Variants in CNTN4 observed in about 807,000 individuals in gnomAD.
CNTN4 encodes the protein contactin-4.
In CNTN4, 77 loss-of-function variants were observed where a neutral mutation model predicts 122.5. The ratio of observed to expected loss-of-function variants is 0.63; its 90% CI spans 0.52 to 0.76. The LOEUF is 0.76. Among genes scored for constraint, CNTN4 ranks in the 30% least tolerant of loss-of-function variants. CNTN4 has a pLI of 0.00. For missense variants in CNTN4, 1,256 were observed against 1,259.1 expected (o/e 1.00, Z 0.04); for synonymous variants, 512 against 447.0 (o/e 1.15, Z -1.83).
chr3:2,345,161 C>A (rs1260550670), intron 3 of CNTN4, among the ~76,000 whole-genome samples: 1 of 152,148 alleles, frequency 6.6e-6, no homozygotes, highest in Non-Finnish European at 1.5e-5. Context: ...TAAAATGTTC[C>A]ATGCATATGC....
chr3:2,198,067 T>C (rs1436131271), intron 2 of CNTN4, among the ~76,000 whole-genome samples: 2 of 151,230 alleles, frequency 1.3e-5, no homozygotes, highest in Non-Finnish European at 1.5e-5. Flanking sequence ...CAATGTAGAA[T>C]TCTCTTGACG....
chr3:2,789,486 G>T lies in CNTN4; in HGVS notation c.359-30000G>T, dbSNP rs545874512. Among the ~76,000 whole-genome samples, 12 of 152,336 alleles carry T rather than the reference G, an allele frequency of 7.9e-5. No homozygotes were observed. In the East Asian group the frequency reaches 9.6e-4, roughly 12 times the overall value. On this transcript the variant is annotated intron_variant, in intron 6 of 24. Coordinates refer to ENST00000418658, the MANE Select transcript of CNTN4 (RefSeq NM_175607.3). ...CTTGCTCTATTGCCCAGGCTGGAGT[G>T]CAGTGGCGTGATATCAGCTCACTGC...
chr3:2,248,800 A>G (rs2040253735), intron 2 of CNTN4, among the ~76,000 whole-genome samples: 2 of 152,026 alleles, frequency 1.3e-5, no homozygotes, highest in Non-Finnish European at 2.9e-5. Context: ...CTGACGATAT[A>G]AAACAGGATA....
At chr3:2,638,756 A>C (rs1337326298) in intron 4 of CNTN4, among the ~76,000 whole-genome samples, 7 of 152,192 alleles carry the variant, frequency 4.6e-5, no homozygotes, top group Non-Finnish European at 1.5e-5. Context: ...TGTCACCTGC[A>C]CATGTCCCCA....
intron 3 of CNTN4, among the ~76,000 whole-genome samples, chr3:2,366,620 G>A (rs1386215419): frequency 1.3e-5 from 2 of 151,874 alleles, no homozygotes; most frequent in Admixed American, 6.6e-5. Context: ...CCAGCTACTC[G>A]GGAAACTGAG....
intron 6 of CNTN4, among the ~76,000 whole-genome samples, chr3:2,779,185 A>G (rs538388601): frequency 5.9e-5 from 9 of 152,292 alleles, no homozygotes; most frequent in South Asian, 2.1e-4. Flanking sequence ...ACGATGTTGA[A>G]ATGGCTTGAA....
intron 3 of CNTN4, among the ~76,000 whole-genome samples, chr3:2,390,632 T>G (rs1180027001): frequency 6.6e-6 from 1 of 152,198 alleles, no homozygotes; most frequent in Non-Finnish European, 1.5e-5. Context: ...ACATACAGGT[T>G]AAATATTTTC....
intron 3 of CNTN4, among the ~76,000 whole-genome samples, chr3:2,553,094 G>T (rs1252478674): frequency 1.3e-5 from 2 of 152,154 alleles, no homozygotes; most frequent in East Asian, 3.8e-4. Flanking sequence ...CAGGTTTGGG[G>T]TAGATCACCA....
chr3:2,776,714 T>A (rs1332275056), intron 6 of CNTN4, among the ~76,000 whole-genome samples: 4 of 152,156 alleles, frequency 2.6e-5, no homozygotes, highest in African/African-American at 9.7e-5. Context: ...TCAATAAATA[T>A]TTGTTGATTA....
intron 4 of CNTN4, among the ~76,000 whole-genome samples, chr3:2,721,252 G>T (rs560916279): frequency 1.3e-5 from 2 of 152,246 alleles, no homozygotes; most frequent in East Asian, 3.9e-4. Flanking sequence ...GATTACAGAC[G>T]TGAGCCACCA....
chr3:2,629,296 G>T (rs2082326077), intron 4 of CNTN4, among the ~76,000 whole-genome samples: 1 of 152,192 alleles, frequency 6.6e-6, no homozygotes, highest in South Asian at 2.1e-4. Context: ...TGGCACCTCA[G>T]TCTTGGACTT....
At chr3:2,400,044 C>T (rs1015418773) in intron 3 of CNTN4, among the ~76,000 whole-genome samples, 4 of 152,042 alleles carry the variant, frequency 2.6e-5, no homozygotes, top group East Asian at 1.9e-4. Flanking sequence ...AGACTAATTA[C>T]GGGCTTGGGT....
chr3:2,922,714 G>A (rs2151340775), intron 12 of CNTN4, among the ~76,000 whole-genome samples: 1 of 143,690 alleles, frequency 7.0e-6, no homozygotes, highest in South Asian at 2.2e-4. Flanking sequence ...CCAGGTTAAA[G>A]CGCTTCTTAT....
At chr3:2,636,893 CCATTTT>C (rs1276200034) in intron 4 of CNTN4, among the ~76,000 whole-genome samples, 1 of 147,736 alleles carries the variant, frequency 6.8e-6, no homozygotes, top group Non-Finnish European at 1.5e-5. Context: ...TGCATAGTTT[CCATTTT>C]CTTTTCCTCT....
In CNTN4 at chr3:2,234,985, G is replaced by GA. The variant is rs34259630; in HGVS notation, c.-144-104186dup. On this transcript the variant is annotated intron_variant, in intron 2 of 24. Coordinates refer to ENST00000418658, the MANE Select transcript of CNTN4 (RefSeq NM_175607.3). ...ATTGCCCTGAGTTTATTTTTTTGGGGAAAAAAAGGCCATACTTGGAAAAAT... is the reference window on the plus strand; with the variant it reads ...ATTGCCCTGAGTTTATTTTTTTGGGGAAAAAAAAGGCCATACTTGGAAAAAT... Among the ~76,000 whole-genome samples the GA allele has an allele frequency of 4.0e-5, 6 of 151,790 alleles. No homozygotes were observed. The East Asian group carries it at 9.7e-4, about 24-fold the overall frequency.
At chr3:2,700,147 T>C (rs1412723195) in intron 4 of CNTN4, among the ~76,000 whole-genome samples, 1 of 152,180 alleles carries the variant, frequency 6.6e-6, no homozygotes, top group East Asian at 1.9e-4. Flanking sequence ...ACTCTTGAAC[T>C]GGAAATTTAG....
At chr3:2,358,456 C>G (rs1042734560) in intron 3 of CNTN4, among the ~76,000 whole-genome samples, 7 of 151,520 alleles carry the variant, frequency 4.6e-5, no homozygotes, top group Non-Finnish European at 8.8e-5. Flanking sequence ...TGATAATTCT[C>G]TTTACTTACC....
Position 2,431,327 on chromosome 3 carries a change from A to G in CNTN4, c.-89+92094A>G, listed in dbSNP as rs535623370. Among the ~76,000 whole-genome samples, 19 of 152,300 alleles carry G rather than the reference A, an allele frequency of 1.2e-4. No homozygotes were observed. In the South Asian group the frequency reaches 1.4e-3, roughly 12 times the overall value. ...CAATATGCATATTGTGATTATTTTC[A>G]TTTCATAAATGCATTGAAAAAATGT... On this transcript the variant is annotated intron_variant, in intron 3 of 24. Transcript: ENST00000418658.
chr3:2,227,577 A>G (rs2149525310), intron 2 of CNTN4, among the ~76,000 whole-genome samples: 1 of 152,288 alleles, frequency 6.6e-6, no homozygotes, highest in East Asian at 1.9e-4. Flanking sequence ...CTCTCTCTGC[A>G]CTTCCACCCA....
Sources: gnomAD v4.1 joint callset for allele counts (sites outside exome capture counted in the v4.1 genomes callset) on GRCh38, gnomAD v4.1.1 for gene constraint, MANE v1.5 for transcripts, NCBI Gene and HGNC (gene_info 2026-07-23, HGNC 2026-07-21) for gene names.